CDC42BPB: variants seen among roughly 807,000 people sequenced by gnomAD.
CDC42BPB encodes serine/threonine-protein kinase MRCK beta.
A neutral mutation model predicts 214.9 loss-of-function variants in CDC42BPB; 37 were observed. The ratio of observed to expected loss-of-function variants is 0.17; its 90% CI spans 0.13 to 0.23. The LOEUF (loss-of-function observed/expected upper bound fraction) is 0.23. CDC42BPB is among the 10% of genes least tolerant of loss of function. The probability of loss-of-function intolerance (pLI) is 1.00; values close to 1 mark genes in which losing one functional copy is unlikely to be tolerated. For synonymous variants in CDC42BPB, 931 were observed against 884.0 expected, an observed-to-expected ratio of 1.05 and a Z score of -0.94; for missense variants, 1,694 against 2,227.0, an observed-to-expected ratio of 0.76 and a Z score of 4.82.
At chr14:103,052,604 G>A (rs772454388) in intron 1 of CDC42BPB, among the ~76,000 whole-genome samples, 1 of 152,140 alleles carries the variant, frequency 6.6e-6, no homozygotes. Flanking sequence ...TCACACTCAT[G>A]GTGAGAAAAG....
At position 102,975,680 on chromosome 14, in the gene CDC42BPB, A is replaced by G; in HGVS notation, c.1507+4T>C. ...ACTAAGAAGTCACACTTTTAAACAC[A>G]TACCTGCTATTTTATTCTTCAAGCG... On this transcript the variant is annotated splice_donor_region_variant and intron_variant, in intron 11 of 36. Transcript: ENST00000361246. 6.2e-7 allele frequency: 1 copy of G among 1,613,788 alleles called. No homozygotes were observed. The highest frequency in any genetic ancestry group is 2.2e-5 in the East Asian group (1 of 44,888).
chr14:102,958,778 T>A (rs1202152492), intron 21 of CDC42BPB, among the ~76,000 whole-genome samples: 2 of 152,030 alleles, frequency 1.3e-5, no homozygotes, highest in Non-Finnish European at 2.9e-5. Flanking sequence ...CGATCCCCAA[T>A]GCCGAACTCT....
chr14:103,018,767 T>C (rs36061446), intron 1 of CDC42BPB, among the ~76,000 whole-genome samples: 1,792 of 152,174 alleles, frequency 0.012, 42 homozygotes, highest in African/African-American at 0.041. Flanking sequence ...TCTCAAAAAA[T>C]TGATTTTTCT....
At chr14:103,044,095 A>G (rs896785445) in intron 1 of CDC42BPB, among the ~76,000 whole-genome samples, 1 of 152,218 alleles carries the variant, frequency 6.6e-6, no homozygotes, top group Non-Finnish European at 1.5e-5. Context: ...TATTTCCCAC[A>G]TATTTGAATT....
At chr14:103,009,297 T>C (rs1404127143) in intron 2 of CDC42BPB, among the ~76,000 whole-genome samples, 1 of 152,228 alleles carries the variant, frequency 6.6e-6, no homozygotes, top group East Asian at 1.9e-4. Flanking sequence ...GTAGAGTCAC[T>C]GTGAGAGCTG....
chr14:103,053,605 CAAA>C (rs370364579), intron 1 of CDC42BPB, among the ~76,000 whole-genome samples: 9 of 149,884 alleles, frequency 6.0e-5, no homozygotes, highest in African/African-American at 2.0e-4. Context: ...ACTAAAAATA[CAAA>C]AAAATTAGCC....
At position 102,948,797 on chromosome 14, in the gene CDC42BPB, C is replaced by T. The variant is rs1487906811; in HGVS notation, c.3449+968G>A. Among the ~76,000 whole-genome samples, 4 of 151,830 alleles carry T rather than the reference C, an allele frequency of 2.6e-5. No homozygotes were observed. In the East Asian group the frequency reaches 7.7e-4, roughly 29 times the overall value. On this transcript the variant is annotated intron_variant, in intron 26 of 36. Transcript: ENST00000361246. ...GGTTCCCTAAAGAGTGCTGAGCCCT[C>T]CGATGGGGCCCCTGACTTGGGCTCA...
At chr14:102,938,275 C>A (rs907942610) in intron 35 of CDC42BPB, 31 bp downstream of exon 35, 4 of 1,603,386 alleles carry the variant, frequency 2.5e-6, no homozygotes, top group Non-Finnish European at 3.4e-6. Flanking sequence ...CCACCTCCCC[C>A]AGGGCTGCGG....
intron 5 of CDC42BPB, among the ~76,000 whole-genome samples, chr14:102,988,014 C>G (rs1017707361): frequency 2.1e-4 from 32 of 151,976 alleles, no homozygotes; most frequent in African/African-American, 5.6e-4. Flanking sequence ...CACACACGCA[C>G]GCACTAGACA....
rs888194298 is a variant in CDC42BPB at position 102,953,409 on chromosome 14, C to T, written c.3066+789G>A. On this transcript the variant is annotated intron_variant, in intron 23 of 36. Transcript: ENST00000361246. ...TATGGTAACCAAATAAACGACCTCGCGACTTGGTCCCTGACTCTGCAAGAG... is the reference window on the plus strand; with the variant it reads ...TATGGTAACCAAATAAACGACCTCGTGACTTGGTCCCTGACTCTGCAAGAG... Among the ~76,000 whole-genome samples, 7 of 152,236 alleles carry T rather than the reference C, an allele frequency of 4.6e-5. No individual in the cohort carries two copies. The East Asian group carries it at 5.8e-4, about 13-fold the overall frequency.
chr14:103,036,414 C>T (rs1887670881), intron 1 of CDC42BPB, among the ~76,000 whole-genome samples: 1 of 152,082 alleles, frequency 6.6e-6, no homozygotes, highest in African/African-American at 2.4e-5. Context: ...CTCGGCCTCC[C>T]AAAGTGCTGG....
chr14:102,999,742 A>T (rs751239316), intron 4 of CDC42BPB, 29 bp from the exon 5 acceptor site: 2 of 1,613,700 alleles, frequency 1.2e-6, no homozygotes, highest in African/African-American at 2.7e-5. Flanking sequence ...AGGGGAGAGA[A>T]TACCACATTT....
At chr14:103,041,680 G>A (rs1490282377) in intron 1 of CDC42BPB, 16 of 553,856 alleles carry the variant, frequency 2.9e-5, no homozygotes, top group East Asian at 1.6e-4. Context: ...GGTGCGCACC[G>A]GCCGCAGCTG....
rs145766756 is a variant in CDC42BPB at position 102,975,238 on chromosome 14, T to C, written c.1507+446A>G. On this transcript the variant is annotated intron_variant, in intron 11 of 36. Coordinates refer to ENST00000361246, the MANE Select transcript of CDC42BPB (RefSeq NM_006035.4). The stretch of plus-strand genomic sequence containing the variant: ...AATAATATCATTAGAACTAAGCCAA[T>C]TGGGGCTGGGCGCAGTGGCTCATGC... Among the ~76,000 whole-genome samples the C allele has an allele frequency of 1.9e-4, 29 of 152,252 alleles. No homozygotes were observed. The East Asian group carries it at 2.1e-3, about 11-fold the overall frequency.
Position 102,944,054 on chromosome 14 carries a change from C to T in CDC42BPB, c.4245G>A (p.Ser1415=), listed in dbSNP as rs759603636. 13 of 1,613,558 alleles carry T rather than the reference C, an allele frequency of 8.1e-6. No homozygotes were observed. The highest frequency in any genetic ancestry group is 5.5e-5 in the South Asian group (5 of 91,078). ...AAGACTGTTGTGAGAGGAACGCAAG[C>T]GAGGGGTCATTGGGATTTACCAGGT... ...PLNLVNPNDP[S]LAFLSQQSFD... Residue 1415 remains serine, a synonymous_variant, in exon 30 of 37, where the codon TCG becomes TCA. Coordinates refer to ENST00000361246, the MANE Select transcript of CDC42BPB (RefSeq NM_006035.4). This position sits in a 1 kb window ranked among gnomAD's most constrained non-coding sequence, Gnocchi z 6.6.
At chr14:103,044,366 CTTTTTTTTTTT>C (rs869225876) in intron 1 of CDC42BPB, among the ~76,000 whole-genome samples, 1 of 129,062 alleles carries the variant, frequency 7.7e-6, no homozygotes, top group Non-Finnish European at 1.6e-5. Context: ...CAGCCGGCAC[CTTTTTTTTTTT>C]TTTTTTTTTT....
At position 102,959,696 on chromosome 14, in the gene CDC42BPB, CTGG is replaced by C; in HGVS notation, c.2833_2835del (p.Pro945del). On this transcript the variant is annotated inframe_deletion, in exon 21 of 37. Transcript: ENST00000361246. ...TACTCAAAAATGGAATCCTGAAAAT[CTGG>C]AAGTTTGAGCCCTGCAAAAAGAAAC... 1 of 1,612,288 alleles carries C rather than the reference CTGG, an allele frequency of 6.2e-7. No individual in the cohort carries two copies. Among genetic ancestry groups the C allele is most frequent in the Non-Finnish European group, 8.5e-7 (1 of 1,179,472 alleles).
chr14:103,030,770 G>A (rs1887325548), intron 1 of CDC42BPB, among the ~76,000 whole-genome samples: 3 of 151,986 alleles, frequency 2.0e-5, no homozygotes, highest in South Asian at 2.1e-4. Context: ...GATCACTTAC[G>A]CCTAGATGTT....
chr14:103,023,292 C>T (rs748324318), intron 1 of CDC42BPB, among the ~76,000 whole-genome samples: 86 of 152,088 alleles, frequency 5.7e-4, no homozygotes, highest in Middle Eastern at 6.8e-3. Context: ...CTCAGCCTCC[C>T]GAGTAGCTGG....
Sources: allele counts gnomAD v4.1 joint callset (sites outside exome capture counted in the v4.1 genomes callset), GRCh38; gene constraint gnomAD v4.1.1; non-coding constraint Gnocchi (gnomAD v3.1); transcripts MANE v1.5; gene names NCBI Gene and HGNC (gene_info 2026-07-23, HGNC 2026-07-21).